Variants in ASCC3 observed in about 807,000 individuals in gnomAD.
The protein encoded by ASCC3 is activating signal cointegrator 1 complex subunit 3, also known as ASC-1 complex subunit P200.
ASCC3 carries 158 observed loss-of-function variants against 256.3 expected under a neutral mutation model. The observed-to-expected ratio is 0.62, with a 90% confidence interval of 0.54 to 0.70. ASCC3 has a LOEUF of 0.70. Among genes scored for constraint, ASCC3 ranks in the 30% least tolerant of loss-of-function variants. The probability of loss-of-function intolerance (pLI) is 0.00; values close to 1 mark genes in which losing one functional copy is unlikely to be tolerated. For synonymous variants in ASCC3, 948 were observed against 883.4 expected (o/e 1.07, Z -1.30); for missense variants, 2,259 against 2,626.0 (o/e 0.86, Z 3.05).
chr6:100,650,967 T>C (rs549179155), intron 19 of ASCC3, among the ~76,000 whole-genome samples: 2 of 151,956 alleles, frequency 1.3e-5, no homozygotes, highest in Admixed American at 1.3e-4. Context: ...CATATAAAAA[T>C]TTGATATGCC....
At chr6:100,737,959 C>T (rs1780260617) in intron 10 of ASCC3, among the ~76,000 whole-genome samples, 1 of 152,168 alleles carries the variant, frequency 6.6e-6, no homozygotes, top group Non-Finnish European at 1.5e-5. Context: ...TTTTAATTTG[C>T]ATTTATCTAA....
intron 1 of ASCC3, among the ~76,000 whole-genome samples, chr6:100,879,449 G>T (rs1024016864): frequency 6.6e-6 from 1 of 152,122 alleles, no homozygotes; most frequent in Admixed American, 6.5e-5. Flanking sequence ...CCCCCATCCT[G>T]AAGCTACTAG....
intron 37 of ASCC3, among the ~76,000 whole-genome samples, chr6:100,529,777 G>C (rs957664597): frequency 6.6e-6 from 1 of 152,098 alleles, no homozygotes; most frequent in Non-Finnish European, 1.5e-5. Flanking sequence ...AGCTGTTTTT[G>C]CCTTCTGATG....
chr6:100,543,398 T>C (rs1160231227), intron 36 of ASCC3, among the ~76,000 whole-genome samples: 1 of 152,136 alleles, frequency 6.6e-6, no homozygotes, highest in East Asian at 1.9e-4. Flanking sequence ...CAACTATATA[T>C]GTTTGCCTAC....
At chr6:100,652,384 AT>A (rs1014373542) in intron 18 of ASCC3, among the ~76,000 whole-genome samples, 1 of 152,152 alleles carries the variant, frequency 6.6e-6, no homozygotes, top group Non-Finnish European at 1.5e-5. Context: ...CTAAAGTGCT[AT>A]ACAAATAGAA....
chr6:100,825,721 C>T (rs1326735249), intron 4 of ASCC3, among the ~76,000 whole-genome samples: 2 of 152,080 alleles, frequency 1.3e-5, no homozygotes, highest in Non-Finnish European at 2.9e-5. Flanking sequence ...CCATTCTCCC[C>T]GTCACTTTCA....
chr6:100,733,265 A>G (rs1306193443), intron 10 of ASCC3, among the ~76,000 whole-genome samples: 1 of 152,170 alleles, frequency 6.6e-6, no homozygotes, highest in African/African-American at 2.4e-5. Flanking sequence ...CGAATGACAC[A>G]GTATGTTCAC....
intron 36 of ASCC3, among the ~76,000 whole-genome samples, chr6:100,563,303 G>T (rs1770051896): frequency 6.6e-6 from 1 of 152,016 alleles, no homozygotes; most frequent in African/African-American, 2.4e-5. Context: ...TTAAAAGGGG[G>T]AAGAATATAC....
At chr6:100,600,883 A>G (rs1427895308) in intron 34 of ASCC3, among the ~76,000 whole-genome samples, 1 of 152,114 alleles carries the variant, frequency 6.6e-6, no homozygotes, top group African/African-American at 2.4e-5. Flanking sequence ...GTTAATCCAT[A>G]TTTAAAGACA....
intron 13 of ASCC3, among the ~76,000 whole-genome samples, chr6:100,702,187 G>C (rs1778388583): frequency 6.6e-6 from 1 of 152,088 alleles, no homozygotes; most frequent in Admixed American, 6.6e-5. Flanking sequence ...ATGGTTGCTT[G>C]GCTTACGTAG....
chr6:100,609,281 T>A (rs996864199), intron 30 of ASCC3, among the ~76,000 whole-genome samples: 1 of 148,354 alleles, frequency 6.7e-6, no homozygotes, highest in African/African-American at 2.5e-5. Context: ...GTATAGAAAC[T>A]ATGGTAGAAA....
chr6:100,588,686 C>G (rs1466367423), intron 36 of ASCC3, among the ~76,000 whole-genome samples: 1 of 152,040 alleles, frequency 6.6e-6, no homozygotes, highest in Non-Finnish European at 1.5e-5. Context: ...CTAAAATGTA[C>G]ATGGCACTAT....
chr6:100,687,598 T>C (rs1777643924), intron 13 of ASCC3, among the ~76,000 whole-genome samples: 1 of 152,092 alleles, frequency 6.6e-6, no homozygotes, highest in African/African-American at 2.4e-5. Context: ...GAGGTTATAA[T>C]AATATATTCA....
At chr6:100,852,153 T>C (rs1772712279) in intron 3 of ASCC3, among the ~76,000 whole-genome samples, 1 of 152,152 alleles carries the variant, frequency 6.6e-6, no homozygotes, top group African/African-American at 2.4e-5. Flanking sequence ...GTTTTTTGGG[T>C]GACTAAAATG....
chr6:100,747,072 T>C (rs1223354702), intron 10 of ASCC3, among the ~76,000 whole-genome samples: 1 of 151,736 alleles, frequency 6.6e-6, no homozygotes, highest in South Asian at 2.1e-4. Flanking sequence ...AACTACCCAC[T>C]TGAAATATTT....
chr6:100,524,301 T>G (rs1774454679), intron 37 of ASCC3, among the ~76,000 whole-genome samples: 1 of 152,162 alleles, frequency 6.6e-6, no homozygotes. Flanking sequence ...AATTCATTAT[T>G]GTCTCTGTGG....
At chr6:100,550,401 C>T (rs899826377) in intron 36 of ASCC3, among the ~76,000 whole-genome samples, 19 of 151,818 alleles carry the variant, frequency 1.3e-4, no homozygotes, top group Non-Finnish European at 2.7e-4. Flanking sequence ...TCCCATTTTC[C>T]CCTGAGAAAG....
At chr6:100,769,078 C>A (rs1172199920) in intron 8 of ASCC3, among the ~76,000 whole-genome samples, 1 of 151,944 alleles carries the variant, frequency 6.6e-6, no homozygotes, top group Non-Finnish European at 1.5e-5. Flanking sequence ...GACTGCTAAA[C>A]CAATACTTAG....
intron 8 of ASCC3, among the ~76,000 whole-genome samples, chr6:100,789,235 T>C (rs543261984): frequency 6.6e-6 from 1 of 151,978 alleles, no homozygotes; most frequent in Non-Finnish European, 1.5e-5. Context: ...TTGACTTTTA[T>C]GCTTCTCTAC....
Sources: allele counts gnomAD v4.1 joint callset (sites outside exome capture counted in the v4.1 genomes callset), GRCh38; gene constraint gnomAD v4.1.1; transcripts MANE v1.5; gene names NCBI Gene and HGNC (gene_info 2026-07-23, HGNC 2026-07-21).